The following SLC4A4 variants were observed in gnomAD, a reference collection of about 807,000 sequenced individuals.
The protein encoded by SLC4A4 is solute carrier family 4 member 4, also known as electrogenic sodium bicarbonate cotransporter 1.
Under a neutral mutation model 111.5 loss-of-function variants are expected in SLC4A4, and 27 were observed. The observed-to-expected ratio is 0.24, with a 90% CI of 0.18 to 0.33. The LOEUF (loss-of-function observed/expected upper bound fraction) is 0.33. SLC4A4 is among the 10% of genes least tolerant of loss of function. The pLI, the probability that SLC4A4 is intolerant of heterozygous loss-of-function variation, is 1.00. For missense variants in SLC4A4, 909 were observed against 1,315.5 expected (o/e 0.69, Z 4.78); for synonymous variants, 443 against 463.4 (o/e 0.96, Z 0.57).
At chr4:71,488,915 T>C (rs1043031439) in intron 15 of SLC4A4, among the ~76,000 whole-genome samples, 7 of 151,280 alleles carry the variant, frequency 4.6e-5, no homozygotes, top group African/African-American at 1.7e-4. Context: ...TGTGTGTGTG[T>C]GTGTGTGTGT....
intron 1 of SLC4A4, among the ~76,000 whole-genome samples, chr4:71,222,194 T>TC (rs1267559285): frequency 6.6e-6 from 1 of 152,148 alleles, no homozygotes; most frequent in East Asian, 1.9e-4. Context: ...TCTGATTTTA[T>TC]CTCCAGCCCT....
intron 3 of SLC4A4, among the ~76,000 whole-genome samples, chr4:71,337,544 T>C (rs746225577): frequency 1.3e-5 from 2 of 152,208 alleles, no homozygotes; most frequent in Non-Finnish European, 2.9e-5. Flanking sequence ...TAAACAATGC[T>C]AGAATGATCA....
intron 1 of SLC4A4, among the ~76,000 whole-genome samples, chr4:71,064,966 C>T (rs1741480131): frequency 6.6e-6 from 1 of 152,122 alleles, no homozygotes; most frequent in Non-Finnish European, 1.5e-5. Context: ...CTGTTTATTG[C>T]CTCCTCTTCT....
intron 18 of SLC4A4, among the ~76,000 whole-genome samples, chr4:71,544,392 G>A (rs1735322415): frequency 6.6e-6 from 1 of 151,944 alleles, no homozygotes; most frequent in Non-Finnish European, 1.5e-5. Context: ...GGCATTGCAG[G>A]TGGTTGAAAG....
chr4:71,100,973 T>G (rs1397728691), intron 2 of SLC4A4, among the ~76,000 whole-genome samples: 1 of 152,116 alleles, frequency 6.6e-6, no homozygotes, highest in Non-Finnish European at 1.5e-5. Flanking sequence ...AAACATGCCA[T>G]GCTCGGCTGG....
At chr4:71,428,645 C>T (rs4626166) in intron 7 of SLC4A4, among the ~76,000 whole-genome samples, 2 of 151,100 alleles carry the variant, frequency 1.3e-5, no homozygotes, top group African/African-American at 4.9e-5. Context: ...ATTAGCAGGA[C>T]GAAGAGAAAA....
At chr4:71,176,020 A>G (rs1343895353) in intron 2 of SLC4A4, among the ~76,000 whole-genome samples, 1 of 152,162 alleles carries the variant, frequency 6.6e-6, no homozygotes, top group African/African-American at 2.4e-5. Context: ...GCTGTTCACC[A>G]ATATCCGCTG....
At chr4:71,224,652 G>A (rs1718943872) in intron 1 of SLC4A4, among the ~76,000 whole-genome samples, 1 of 152,206 alleles carries the variant, frequency 6.6e-6, no homozygotes, top group African/African-American at 2.4e-5. Flanking sequence ...TAAAGACATT[G>A]ATTTGGGGGG....
intron 2 of SLC4A4, among the ~76,000 whole-genome samples, chr4:71,112,810 C>T (rs1743130447): frequency 6.6e-6 from 1 of 152,144 alleles, no homozygotes; most frequent in Admixed American, 6.5e-5. Flanking sequence ...TGTCTGGGAA[C>T]CACTGCGTTA....
intron 3 of SLC4A4, among the ~76,000 whole-genome samples, chr4:71,309,366 C>T (rs1023731494): frequency 2.0e-5 from 3 of 152,192 alleles, no homozygotes; most frequent in Admixed American, 1.3e-4. Flanking sequence ...CAGCGTGGTA[C>T]TTGAGCTCTG....
At chr4:71,219,188 G>A (rs1451132771) in intron 1 of SLC4A4, among the ~76,000 whole-genome samples, 1 of 152,226 alleles carries the variant, frequency 6.6e-6, no homozygotes, top group African/African-American at 2.4e-5. Flanking sequence ...TAGGTCAAGA[G>A]TTAGGCCTCT....
At chr4:71,090,215 C>G (rs1468401118) in intron 1 of SLC4A4, among the ~76,000 whole-genome samples, 1 of 150,968 alleles carries the variant, frequency 6.6e-6, no homozygotes, top group Non-Finnish European at 1.5e-5. Flanking sequence ...ATATAATCTC[C>G]TGGTGTGCCA....
chr4:71,517,453 C>T (rs1239534621), intron 16 of SLC4A4, among the ~76,000 whole-genome samples: 9 of 151,788 alleles, frequency 5.9e-5, no homozygotes, highest in African/African-American at 9.7e-5. Context: ...TTAATAATTT[C>T]ATTTAAAATT....
rs114986001 is a variant in SLC4A4, at chr4:71,477,239, T to C, written c.1903+4269T>C. Among the ~76,000 whole-genome samples, 628 of 151,852 alleles carry C rather than the reference T, an allele frequency of 4.1e-3. 3 individuals carry two copies. Among genetic ancestry groups the C allele is most frequent in the African/African-American group, 0.015 (607 of 41,508 alleles). ...CTATTCTTAGAGGTTACTATAAAGGTTAAATGAGATAGTATATGCAAAATA... is the reference window on the plus strand; with the variant it reads ...CTATTCTTAGAGGTTACTATAAAGGCTAAATGAGATAGTATATGCAAAATA... On this transcript the variant is annotated intron_variant, in intron 14 of 25. Coordinates refer to ENST00000264485, the MANE Select transcript of SLC4A4 (RefSeq NM_001098484.3).
chr4:71,476,626 TTC>T (rs1380189095), intron 14 of SLC4A4, among the ~76,000 whole-genome samples: 4 of 151,744 alleles, frequency 2.6e-5, no homozygotes, highest in African/African-American at 9.7e-5. Context: ...ACACTTCCTT[TTC>T]TCTTTTTTTC....
intron 1 of SLC4A4, among the ~76,000 whole-genome samples, chr4:71,196,423 A>C (rs1746003765): frequency 6.6e-6 from 1 of 152,186 alleles, no homozygotes; most frequent in African/African-American, 2.4e-5. Context: ...CTTGAAAAAT[A>C]TATTAAGAAA....
At chr4:71,234,550 C>T (rs151195216) in intron 1 of SLC4A4, among the ~76,000 whole-genome samples, 17 of 152,280 alleles carry the variant, frequency 1.1e-4, no homozygotes, top group East Asian at 3.9e-4. Context: ...CTCAGCCTCC[C>T]GAGGAGCTGG....
intron 1 of SLC4A4, chr4:71,235,905 GTGGCA>G (rs1300537025): frequency 1.4e-5 from 3 of 221,656 alleles, no homozygotes; most frequent in African/African-American, 7.0e-5. Context: ...GAATGAATGG[GTGGCA>G]TGTATCTGTG....
chr4:71,172,053 G>C (rs981443105), intron 2 of SLC4A4, among the ~76,000 whole-genome samples: 1 of 152,016 alleles, frequency 6.6e-6, no homozygotes, highest in South Asian at 2.1e-4. Context: ...CCAGGCTATT[G>C]GTTCCAAGAC....
Sources: gnomAD v4.1 joint callset for allele counts (sites outside exome capture counted in the v4.1 genomes callset) on GRCh38, gnomAD v4.1.1 for gene constraint, MANE v1.5 for transcripts, NCBI Gene and HGNC (gene_info 2026-07-23, HGNC 2026-07-21) for gene names.